The following C8orf34 variants were observed in gnomAD, a reference collection of about 807,000 sequenced individuals.
C8orf34 encodes the protein chromosome 8 open reading frame 34.
A neutral mutation model predicts 68.3 loss-of-function variants in C8orf34; 65 were observed. That is an observed-to-expected ratio of 0.95 (90% confidence interval 0.78 to 1.17). The LOEUF (loss-of-function observed/expected upper bound fraction) is 1.17. C8orf34 is among the 50% of genes most tolerant of loss of function. C8orf34 has a pLI of 0.00. For missense variants in C8orf34, 664 were observed against 655.4 expected, an observed-to-expected ratio of 1.01 and a Z score of -0.14; for synonymous variants, 244 against 241.2, an observed-to-expected ratio of 1.01 and a Z score of -0.11.
At chr8:68,495,764 A>G (rs1324342598) in intron 5 of C8orf34, among the ~76,000 whole-genome samples, 5 of 152,248 alleles carry the variant, frequency 3.3e-5, no homozygotes. Context: ...ACCAGAGTCT[A>G]CACTCTCAAT....
chr8:68,621,939 C>G (rs1818400807), intron 7 of C8orf34, among the ~76,000 whole-genome samples: 1 of 152,210 alleles, frequency 6.6e-6, no homozygotes, highest in South Asian at 2.1e-4. Context: ...ACTCTAGGCA[C>G]AGCTTAACTG....
chr8:68,818,204 A>C, intron 13 of C8orf34, 35 bp from the exon 14 acceptor site: 4 of 1,609,416 alleles, frequency 2.5e-6, no homozygotes, highest in Non-Finnish European at 3.4e-6. Flanking sequence ...CATGTTATTA[A>C]GCACATTTTC....
intron 5 of C8orf34, among the ~76,000 whole-genome samples, chr8:68,512,929 T>C (rs1315224434): frequency 6.6e-6 from 1 of 152,192 alleles, no homozygotes; most frequent in African/African-American, 2.4e-5. Flanking sequence ...TAAGTTGCTT[T>C]AACTGTGTGC....
intron 8 of C8orf34, among the ~76,000 whole-genome samples, chr8:68,675,221 A>C (rs781377397): frequency 1.8e-4 from 28 of 152,176 alleles, no homozygotes; most frequent in South Asian, 8.3e-4. Context: ...AAAAAATCTG[A>C]AGGTACAAAA....
chr8:68,483,230 A>G (rs1812935654), intron 4 of C8orf34, among the ~76,000 whole-genome samples: 3 of 152,210 alleles, frequency 2.0e-5, no homozygotes, highest in South Asian at 2.1e-4. Flanking sequence ...ATATGAGAAT[A>G]TGAGAACTGT....
chr8:68,425,274 T>C (rs903552954), intron 1 of C8orf34, among the ~76,000 whole-genome samples: 2 of 152,210 alleles, frequency 1.3e-5, no homozygotes, highest in Admixed American at 1.3e-4. Context: ...TTCTGGGAGT[T>C]CTTGCCATTA....
At chr8:68,404,161 G>A (rs538677438) in intron 1 of C8orf34, among the ~76,000 whole-genome samples, 38 of 152,178 alleles carry the variant, frequency 2.5e-4, no homozygotes, top group African/African-American at 7.7e-4. Flanking sequence ...TTTGTTGGCC[G>A]TATAAATGTC....
chr8:68,706,089 A>G (rs1176873112), intron 8 of C8orf34, among the ~76,000 whole-genome samples: 1 of 152,208 alleles, frequency 6.6e-6, no homozygotes, highest in African/African-American at 2.4e-5. Context: ...AGGAATGGAA[A>G]AAAGAAAGAC....
intron 10 of C8orf34, among the ~76,000 whole-genome samples, chr8:68,738,677 A>G (rs889019479): frequency 1.3e-5 from 2 of 152,168 alleles, no homozygotes; most frequent in Admixed American, 1.3e-4. Context: ...ATAAGCTAGA[A>G]AATCTAGAGG....
chr8:68,340,355 A>T (rs1159642963), intron 1 of C8orf34, among the ~76,000 whole-genome samples: 1 of 152,176 alleles, frequency 6.6e-6, no homozygotes, highest in Non-Finnish European at 1.5e-5. Context: ...ATCCTGAATT[A>T]TGCTGAGTGA....
At chr8:68,607,113 C>T (rs1817878464) in intron 7 of C8orf34, among the ~76,000 whole-genome samples, 1 of 152,018 alleles carries the variant, frequency 6.6e-6, no homozygotes, top group African/African-American at 2.4e-5. Flanking sequence ...CTGAAGGTAT[C>T]CCGAGGCTAG....
chr8:68,706,278 A>G (rs538413612), intron 8 of C8orf34, among the ~76,000 whole-genome samples: 1 of 152,324 alleles, frequency 6.6e-6, no homozygotes, highest in African/African-American at 2.4e-5. Flanking sequence ...AGCTGAGACA[A>G]TGAGTCCCAA....
At chr8:68,462,897 C>G (rs1048212100) in intron 3 of C8orf34, among the ~76,000 whole-genome samples, 6 of 152,044 alleles carry the variant, frequency 3.9e-5, no homozygotes, top group African/African-American at 1.2e-4. Flanking sequence ...AAAGCAAGAG[C>G]AAACACATTC....
At position 68,331,783 on chromosome 8, in the gene C8orf34, CTTTTTTT is replaced by C. The variant is rs552564162; in HGVS notation, c.327+467_327+473del. On this transcript the variant is annotated intron_variant, in intron 1 of 13. Transcript: ENST00000518698. ...CTTTTTTCTTTTCTTTTCTTTCCTT[CTTTTTTT>C]TTTTTTTTTTTTTTTTTTTTTTAAT... 2.6e-3 allele frequency among the ~76,000 whole-genome samples: 77 copies of C among 29,510 alleles called. 2 individuals are homozygous for C. Among genetic ancestry groups the C allele is most frequent in the East Asian group, 0.012 (17 of 1,464 alleles). The allele number at this position is 29,510 out of a possible 152,430, so 19.4% of individuals were successfully genotyped here.
intron 7 of C8orf34, among the ~76,000 whole-genome samples, chr8:68,599,795 C>G (rs574394500): frequency 1.3e-5 from 2 of 151,906 alleles, no homozygotes; most frequent in South Asian, 4.2e-4. Flanking sequence ...TGAAAATCAT[C>G]AAAATTAAAG....
At chr8:68,518,886 CAAAAAA>C (rs56255310) in intron 5 of C8orf34, among the ~76,000 whole-genome samples, 1 of 78,190 alleles carries the variant, frequency 1.3e-5, no homozygotes, top group African/African-American at 5.1e-5. Flanking sequence ...GAGCAAGACT[CAAAAAA>C]AAAAAAAAAA....
At chr8:68,674,791 G>T (rs1023517016) in intron 8 of C8orf34, among the ~76,000 whole-genome samples, 8 of 152,056 alleles carry the variant, frequency 5.3e-5, no homozygotes, top group African/African-American at 1.5e-4. Flanking sequence ...GTACAAGAAG[G>T]TTATAGAATC....
At chr8:68,777,029 T>G (rs1334124347) in intron 11 of C8orf34, among the ~76,000 whole-genome samples, 1 of 152,228 alleles carries the variant, frequency 6.6e-6, no homozygotes, top group Non-Finnish European at 1.5e-5. Context: ...AACTCTCAGA[T>G]AAACCAGTGG....
At chr8:68,475,222 A>C (rs1273827290) in intron 4 of C8orf34, among the ~76,000 whole-genome samples, 1 of 151,916 alleles carries the variant, frequency 6.6e-6, no homozygotes, top group Non-Finnish European at 1.5e-5. Flanking sequence ...CTCAAATACC[A>C]TTTCCTCCAA....
Sources: allele counts gnomAD v4.1 joint callset (sites outside exome capture counted in the v4.1 genomes callset), GRCh38; gene constraint gnomAD v4.1.1; transcripts MANE v1.5; gene names NCBI Gene and HGNC (gene_info 2026-07-23, HGNC 2026-07-21).